GABRA3: variants seen among roughly 807,000 people sequenced by gnomAD.
GABRA3 encodes gamma-aminobutyric acid type A receptor subunit alpha3.
Under a neutral mutation model 30.1 loss-of-function variants are expected in GABRA3, and 10 were observed. That is an observed-to-expected ratio of 0.33 (90% CI 0.20 to 0.56). The LOEUF (loss-of-function observed/expected upper bound fraction) is 0.56, where lower values mean the gene tolerates loss of function less well. Ranked by LOEUF, GABRA3 falls within the 20% of genes least tolerant of loss-of-function variation. The pLI is 0.89. For missense variants in GABRA3, 233 were observed against 392.0 expected, an observed-to-expected ratio of 0.59 and a Z score of 3.42; for synonymous variants, 151 against 146.8, an observed-to-expected ratio of 1.03 and a Z score of -0.21.
intron 1 of GABRA3, among the ~76,000 whole-genome samples, chrX:152,405,298 C>T (rs1929901449): frequency 1.1e-5 from 1 of 87,890 alleles, no homozygotes; most frequent in Admixed American, 1.3e-4. Flanking sequence ...GGTACTTACG[C>T]ACCCTTGCAA....
At chrX:152,265,153 A>C (rs1159748952) in intron 4 of GABRA3, among the ~76,000 whole-genome samples, 1 of 111,715 alleles carries the variant, frequency 9.0e-6, no homozygotes. Flanking sequence ...TGGACCTAAT[A>C]GATATTTACA....
chrX:152,224,935 C>T (rs778271530), intron 5 of GABRA3, 90 bp from the exon 6 acceptor site: 3 of 614,748 alleles, frequency 4.9e-6, no homozygotes, highest in East Asian at 3.3e-5. Context: ...CTAAGAATAA[C>T]GAGATTTTTG....
intron 5 of GABRA3, among the ~76,000 whole-genome samples, chrX:152,240,204 T>C (rs1938329997): frequency 9.5e-6 from 1 of 105,739 alleles, no homozygotes; most frequent in Non-Finnish European, 1.9e-5. Context: ...TGACAAAATC[T>C]CTCAGCATTG....
chrX:152,242,589 T>C (rs1480964962), intron 5 of GABRA3, among the ~76,000 whole-genome samples: 1 of 112,232 alleles, frequency 8.9e-6, no homozygotes, highest in Non-Finnish European at 1.9e-5. Flanking sequence ...GCCCAATTTT[T>C]AATATAGGCA....
At chrX:152,409,299 T>C (rs192132035) in intron 1 of GABRA3, among the ~76,000 whole-genome samples, 4 of 111,787 alleles carry the variant, frequency 3.6e-5, no homozygotes, top group African/African-American at 1.3e-4. Flanking sequence ...TGAGCTATGA[T>C]TGCACCACTG....
chrX:152,440,887 T>A, intron 1 of GABRA3, among the ~76,000 whole-genome samples: 1 of 110,045 alleles, frequency 9.1e-6, no homozygotes, highest in East Asian at 2.9e-4. Flanking sequence ...AGGGGAGGGA[T>A]AGCACTAGGA....
intron 9 of GABRA3, among the ~76,000 whole-genome samples, chrX:152,187,716 A>T (rs1003641577): frequency 7.2e-5 from 8 of 111,813 alleles, no homozygotes; most frequent in African/African-American, 2.6e-4. Context: ...ACTCATTCTC[A>T]GCTACTCATT....
intron 1 of GABRA3, among the ~76,000 whole-genome samples, chrX:152,419,854 G>A (rs1203619791): frequency 9.0e-6 from 1 of 111,688 alleles, no homozygotes; most frequent in Non-Finnish European, 1.9e-5. Context: ...AAATGTGGGT[G>A]CAAAAATTTT....
At chrX:152,200,973 C>G (rs1049798211) in intron 7 of GABRA3, among the ~76,000 whole-genome samples, 5 of 111,797 alleles carry the variant, frequency 4.5e-5, no homozygotes, top group Non-Finnish European at 9.4e-5. Flanking sequence ...ACCTAGGTTG[C>G]GAAGATTTCC....
chrX:152,182,262 GT>G (rs1369516138), intron 9 of GABRA3, among the ~76,000 whole-genome samples: 11 of 101,942 alleles, frequency 1.1e-4, no homozygotes, highest in Non-Finnish European at 2.2e-4. Context: ...TTTTTTTTAA[GT>G]TTATGATTTA....
At chrX:152,295,245 G>T (rs1399574941) in intron 3 of GABRA3, among the ~76,000 whole-genome samples, 2 of 112,526 alleles carry the variant, frequency 1.8e-5, no homozygotes, top group African/African-American at 6.4e-5. Context: ...TCAGATGGAC[G>T]TTTAAGTCTG....
chrX:152,363,979 T>C (rs900721919), intron 2 of GABRA3, among the ~76,000 whole-genome samples: 19 of 110,652 alleles, frequency 1.7e-4, no homozygotes, highest in African/African-American at 5.9e-4. Context: ...GAGAGGTAAA[T>C]AGATGCAATG....
At chrX:152,299,486 G>A (rs1939593025) in intron 3 of GABRA3, among the ~76,000 whole-genome samples, 1 of 111,516 alleles carries the variant, frequency 9.0e-6, no homozygotes, top group East Asian at 2.8e-4. Context: ...CCTGGGAATC[G>A]GAACTGAGCC....
intron 3 of GABRA3, among the ~76,000 whole-genome samples, chrX:152,344,398 GAA>G (rs1450306851): frequency 9.0e-6 from 1 of 111,722 alleles, no homozygotes; most frequent in African/African-American, 3.2e-5. Context: ...TAATTAAAGA[GAA>G]AGAGATTTTT....
intron 2 of GABRA3, among the ~76,000 whole-genome samples, chrX:152,362,233 A>T (rs1466552883): frequency 2.7e-5 from 3 of 110,794 alleles, no homozygotes; most frequent in African/African-American, 9.9e-5. Context: ...TGCTTCCAAG[A>T]ATATAGGACA....
chrX:152,365,291 A>G (rs1258437615), intron 1 of GABRA3, among the ~76,000 whole-genome samples: 1 of 111,748 alleles, frequency 8.9e-6, no homozygotes, highest in Non-Finnish European at 1.9e-5. Context: ...TTTCCCCATA[A>G]AGAGATATTT....
chrX:152,216,031 T>A (rs1302462383), intron 6 of GABRA3, among the ~76,000 whole-genome samples: 1 of 110,294 alleles, frequency 9.1e-6, no homozygotes, highest in African/African-American at 3.3e-5. Context: ...AAAACCACAA[T>A]TAGATATCAT....
intron 4 of GABRA3, among the ~76,000 whole-genome samples, chrX:152,266,410 A>C (rs1258610722): frequency 3.6e-5 from 4 of 112,240 alleles, no homozygotes; most frequent in African/African-American, 1.3e-4. Flanking sequence ...ATGCTGAAAA[A>C]GCATTTGATA....
chrX:152,267,832 T>A (rs1428187908), intron 4 of GABRA3, among the ~76,000 whole-genome samples: 6 of 111,453 alleles, frequency 5.4e-5, no homozygotes, highest in Non-Finnish European at 9.4e-5. Context: ...TCTTTTTATT[T>A]CTGAGATCTC....
Sources: allele counts gnomAD v4.1 joint callset (sites outside exome capture counted in the v4.1 genomes callset), GRCh38; gene constraint gnomAD v4.1.1; transcripts MANE v1.5; gene names NCBI Gene and HGNC (gene_info 2026-07-23, HGNC 2026-07-21).